USP32: variants seen among roughly 807,000 people sequenced by gnomAD.
USP32 encodes ubiquitin specific peptidase 32.
Under a neutral mutation model 204.8 loss-of-function variants are expected in USP32, and 59 were observed. That is an observed-to-expected ratio of 0.29 (90% CI 0.23 to 0.36). The LOEUF is 0.36. USP32 is among the 10% of genes least tolerant of loss of function. USP32 has a pLI of 1.00. For synonymous variants in USP32, 517 were observed against 678.4 expected (o/e 0.76, Z 3.70); for missense variants, 1,160 against 1,946.4 (o/e 0.60, Z 7.60).
rs531380341 is a variant in USP32, at chr17:60,333,616, A to G, written c.186+11865T>C. ...TCCATCTCAAAAACAAAAAATAAATAAATAAAGGTAAGAAAGAAAGAAGGA... is the reference window on the plus strand; with the variant it reads ...TCCATCTCAAAAACAAAAAATAAATGAATAAAGGTAAGAAAGAAAGAAGGA... On this transcript the variant is annotated intron_variant, in intron 2 of 33. Transcript: ENST00000300896. 3.3e-5 allele frequency among the ~76,000 whole-genome samples: 5 copies of G among 151,846 alleles called. No homozygotes were observed. In the South Asian group the frequency reaches 1.0e-3, roughly 32 times the overall value.
chr17:60,183,989 A>T (rs572385061), intron 30 of USP32, among the ~76,000 whole-genome samples: 11 of 152,214 alleles, frequency 7.2e-5, no homozygotes, highest in African/African-American at 2.6e-4. Context: ...AATTTTTTTT[A>T]AAAGGTCTAC....
intron 20 of USP32, 52 bp from the exon 21 acceptor site, chr17:60,211,170 C>T: frequency 6.3e-7 from 1 of 1,590,430 alleles, no homozygotes; most frequent in Non-Finnish European, 8.6e-7. Context: ...AAATCACAAT[C>T]ATGTGGGCGC....
chr17:60,275,066 G>A (rs2086808311), intron 5 of USP32, among the ~76,000 whole-genome samples: 1 of 152,096 alleles, frequency 6.6e-6, no homozygotes, highest in African/African-American at 2.4e-5. Context: ...TAAGCTTGAG[G>A]GCTGAGTTTC....
rs139070104 is a variant in USP32, at chr17:60,315,266, G to A, written c.187-13562C>T. ...TACAAAAAAATTAGCCAGGCGTGGC[G>A]GTGTGCGCCTGTAGTCCCAGCTACT... On this transcript the variant is annotated intron_variant, in intron 2 of 33. Transcript: ENST00000300896. Among the ~76,000 whole-genome samples the A allele has an allele frequency of 8.5e-3, 1,299 of 152,222 alleles. 12 individuals are homozygous for A. Among genetic ancestry groups the A allele is most frequent in the South Asian group, 0.014 (70 of 4,830 alleles).
intron 2 of USP32, among the ~76,000 whole-genome samples, chr17:60,321,937 C>T (rs2088122370): frequency 6.6e-6 from 1 of 151,368 alleles, no homozygotes; most frequent in Admixed American, 6.6e-5. Context: ...TTTGCCACAA[C>T]TTTAGTCATC....
At position 60,294,668 on chromosome 17, in the gene USP32, A is replaced by C; in HGVS notation, c.411+15T>G. 1 of 1,538,690 alleles carries C rather than the reference A, an allele frequency of 6.5e-7. No homozygotes were observed. The highest frequency in any genetic ancestry group is 8.9e-7 in the Non-Finnish European group (1 of 1,122,580). ...TGTCAATGAAAAGGGATAAAATGTA[A>C]ATCTTTAACTATACCTCTGAGAAAC... On this transcript the variant is annotated intron_variant, in intron 4 of 33. Transcript: ENST00000300896.
At chr17:60,421,826 C>T (rs1020653178) in intron 1 of USP32, 13 of 983,596 alleles carry the variant, frequency 1.3e-5, no homozygotes, top group Non-Finnish European at 1.6e-5. Context: ...TTCGCCGACA[C>T]CCGGCTCCCC....
Position 60,271,477 on chromosome 17 carries a change from C to T in USP32, c.576G>A (p.Glu192=), listed in dbSNP as rs756473235. The change falls in exon 6 of 34, where the codon GAG becomes GAA. Residue 192 remains glutamate, a synonymous_variant. Transcript: ENST00000300896. ...TCTCAAGATCAATGATGTCTGATTCCTCCACTAAGGGTCAAATCAAAAAAG... is the reference window on the plus strand; with the variant it reads ...TCTCAAGATCAATGATGTCTGATTCTTCCACTAAGGGTCAAATCAAAAAAG... ...YQTLAGVTHL[E]ESDIIDLEKR... 8 of 1,613,458 alleles carry T rather than the reference C, an allele frequency of 5.0e-6. No individual in the cohort carries two copies. Among genetic ancestry groups the T allele is most frequent in the Non-Finnish European group, 6.8e-6 (8 of 1,179,698 alleles).
At chr17:60,296,078 T>C (rs1163478719) in intron 3 of USP32, among the ~76,000 whole-genome samples, 1 of 152,178 alleles carries the variant, frequency 6.6e-6, no homozygotes, top group East Asian at 1.9e-4. Flanking sequence ...AATGGGATCA[T>C]GAAGGGATAC....
intron 19 of USP32, among the ~76,000 whole-genome samples, chr17:60,211,773 C>T (rs999815769): frequency 3.3e-5 from 5 of 151,796 alleles, no homozygotes; most frequent in African/African-American, 4.8e-5. Context: ...ATAATTCAAA[C>T]AATTCTTCTT....
At chr17:60,404,620 C>T (rs1403035119) in intron 1 of USP32, among the ~76,000 whole-genome samples, 1 of 152,158 alleles carries the variant, frequency 6.6e-6, no homozygotes, top group East Asian at 1.9e-4. Flanking sequence ...CTAAAGGCAT[C>T]TTGAAGCTAT....
chr17:60,421,586 GAAA>G lies in USP32; in HGVS notation c.106+657_106+659del, dbSNP rs925235152. The stretch of plus-strand genomic sequence containing the variant: ...GGGAAGAAAAGGTGGCTCGAGTGAG[GAAA>G]CTGCGGGGGCAACGGTCTCTCGTCG... On this transcript the variant is annotated intron_variant, in intron 1 of 3. Coordinates refer to the USP32 transcript ENST00000588898. The G allele has an allele frequency of 7.1e-6, 7 of 984,682 alleles. 1 individual carries two copies. Among genetic ancestry groups the G allele is most frequent in the African/African-American group, 1.7e-5 (1 of 57,250 alleles). 61.0% of individuals were successfully genotyped at this position (984,682 alleles called of 1,614,324 possible). A position where few individuals can be genotyped will look rare whatever the true frequency, so the allele number is the denominator to read the frequency against.
upstream of USP32, among the ~76,000 whole-genome samples, chr17:60,394,949 G>C (rs1331541135): frequency 1.3e-5 from 2 of 152,038 alleles, no homozygotes; most frequent in Admixed American, 1.3e-4. Flanking sequence ...TCACCATGTT[G>C]GCCAGGCTGG....
chr17:60,401,593 G>A (rs2089935735), intron 1 of USP32, among the ~76,000 whole-genome samples: 1 of 151,336 alleles, frequency 6.6e-6, no homozygotes, highest in South Asian at 2.1e-4. Context: ...GTAGACCTCT[G>A]GGGGCTGGGT....
At chr17:60,329,159 A>T (rs985098514) in intron 2 of USP32, among the ~76,000 whole-genome samples, 18 of 152,244 alleles carry the variant, frequency 1.2e-4, no homozygotes, top group African/African-American at 4.1e-4. Context: ...AAGAAAAAGG[A>T]AACTGTTTAT....
chr17:60,394,360 G>C (rs1294015770), upstream of USP32, among the ~76,000 whole-genome samples: 1 of 152,174 alleles, frequency 6.6e-6, no homozygotes, highest in Non-Finnish European at 1.5e-5. Context: ...TAAACCGTCA[G>C]TACCTACAGA....
chr17:60,217,383 C>T (rs2085130183), intron 16 of USP32, among the ~76,000 whole-genome samples: 3 of 152,160 alleles, frequency 2.0e-5, no homozygotes, highest in African/African-American at 4.8e-5. Context: ...CAACCTCTGC[C>T]TCCTGGGTTC....
intron 8 of USP32, 150 bp downstream of exon 8, chr17:60,265,826 A>C: frequency 1.7e-6 from 1 of 604,122 alleles, no homozygotes; most frequent in Non-Finnish European, 2.8e-6. Flanking sequence ...TCTCTTTCCA[A>C]TTTTGCATCT....
intron 2 of USP32, among the ~76,000 whole-genome samples, chr17:60,325,825 A>T (rs2088219504): frequency 6.6e-6 from 1 of 152,052 alleles, no homozygotes; most frequent in Non-Finnish European, 1.5e-5. Flanking sequence ...GCTACTTGGG[A>T]GGCTGAGGCA....
Sources: gnomAD v4.1 joint callset for allele counts (sites outside exome capture counted in the v4.1 genomes callset) on GRCh38, gnomAD v4.1.1 for gene constraint, MANE v1.5 for transcripts, NCBI Gene and HGNC (gene_info 2026-07-23, HGNC 2026-07-21) for gene names.